Variants in KLHL26 observed in about 807,000 individuals in gnomAD.
KLHL26 encodes kelch like family member 26.
KLHL26 carries 4 observed loss-of-function variants against 7.1 expected under a neutral mutation model. That is an observed-to-expected ratio of 0.56 (90% CI 0.28 to 1.28). The LOEUF (loss-of-function observed/expected upper bound fraction) is 1.28. KLHL26 is among the 50% of genes most tolerant of loss of function. The probability of loss-of-function intolerance (pLI) is 0.11; values close to 1 mark genes in which losing one functional copy is unlikely to be tolerated. For synonymous variants in KLHL26, 465 were observed against 414.1 expected (o/e 1.12, Z -1.49); for missense variants, 896 against 924.6 (o/e 0.97, Z 0.40).
Position 18,667,986 on chromosome 19 carries a change from G to A in KLHL26, c.589G>A (p.Glu197Lys), listed in dbSNP as rs902074480. ...CTTCCGGCACTTCCTGCAGATCGCC[G>A]AGGAGGAGGATTTCCTGCGCCTGCC... Reference protein sequence around the residue: ...FTFRHFLQIAEEEDFLRLPLE... With the variant: ...FTFRHFLQIAKEEDFLRLPLE... The change falls in exon 3 of 3, where the codon GAG becomes AAG. Residue 197 changes from glutamate (E) to lysine (K), a missense_variant. Glu to Lys is a moderately conservative substitution (Grantham distance 56). Coordinates refer to ENST00000300976, the MANE Select transcript of KLHL26 (RefSeq NM_018316.3). The A allele has an allele frequency of 1.2e-6, 2 of 1,608,310 alleles. No homozygotes were observed. The highest frequency in any genetic ancestry group is 1.7e-6 in the Non-Finnish European group (2 of 1,179,962).
intron 1 of KLHL26, among the ~76,000 whole-genome samples, chr19:18,645,811 CAAAA>C (rs1040017469): frequency 8.5e-6 from 1 of 117,180 alleles, no homozygotes; most frequent in Non-Finnish European, 1.8e-5. Flanking sequence ...GACTCTGTAT[CAAAA>C]AAAAAAAAAA....
At chr19:18,667,488 G>C in intron 2 of KLHL26, 176 bp from the exon 3 acceptor site, 1 of 1,141,238 alleles carries the variant, frequency 8.8e-7, no homozygotes, top group Non-Finnish European at 1.2e-6. Flanking sequence ...ACAGGCATGA[G>C]CCACCGCGCC....
chr19:18,665,614 A>C (rs1051306765), intron 2 of KLHL26, among the ~76,000 whole-genome samples: 4 of 152,216 alleles, frequency 2.6e-5, no homozygotes, highest in Non-Finnish European at 5.9e-5. Context: ...CACTTCCCCA[A>C]CGTGACAGAA....
chr19:18,658,138 C>T (rs1313759122), intron 1 of KLHL26, among the ~76,000 whole-genome samples: 2 of 152,172 alleles, frequency 1.3e-5, no homozygotes, highest in Admixed American at 6.5e-5. Flanking sequence ...CAGGGGCACG[C>T]TGGGCCGCGG....
rs761188000 is a variant in KLHL26, at chr19:18,654,458, CCT to C, written c.84-9799_84-9798del. Among the ~76,000 whole-genome samples the C allele has an allele frequency of 2.2e-4, 33 of 150,942 alleles. No homozygotes were observed. In the East Asian group the frequency reaches 3.0e-3, roughly 14 times the overall value. On this transcript the variant is annotated intron_variant, in intron 1 of 2. Transcript: ENST00000300976. ...ATCCACCAACCCACCATCCACCAAT[CCT>C]CTCATCTACCATCCGCCCACCCATC... is the stretch of plus-strand genomic sequence containing the variant.
In KLHL26 at chr19:18,646,984, G is replaced by A. The variant is rs148471299; in HGVS notation, c.83+9847G>A. Among the ~76,000 whole-genome samples the A allele has an allele frequency of 1.5e-4, 23 of 151,488 alleles. No individual in the cohort carries two copies. Among genetic ancestry groups the A allele is most frequent in the South Asian group, 2.1e-4 (1 of 4,798 alleles). ...GGGCAGGGGCGGCGGGGGGTGGCGC[G>A]TCTCAGCAGGGATGGGGGCAGGTGG... On this transcript the variant is annotated intron_variant, in intron 1 of 2. Coordinates refer to ENST00000300976, the MANE Select transcript of KLHL26 (RefSeq NM_018316.3). This position sits in a 1 kb window ranked among gnomAD's most constrained non-coding sequence, Gnocchi z 5.0.
Position 18,664,384 on chromosome 19 carries a change from T to C in KLHL26, c.207T>C (p.Ile69=). ...QGQLLDVVLT[I]NREAFPAHKV... Reference sequence around the variant, plus strand: ...AGCTCCTCGATGTTGTGCTGACTATTAACAGAGAGGCCTTTCCTGCACACA... The same window carrying C: ...AGCTCCTCGATGTTGTGCTGACTATCAACAGAGAGGCCTTTCCTGCACACA... The change falls in exon 2 of 3, where the codon ATT becomes ATC. Residue 69 remains isoleucine, a synonymous_variant. Transcript: ENST00000300976. The C allele has an allele frequency of 6.2e-7, 1 of 1,608,584 alleles. No homozygotes were observed. The highest frequency in any genetic ancestry group is 8.5e-7 in the Non-Finnish European group (1 of 1,178,896).
intron 1 of KLHL26, among the ~76,000 whole-genome samples, chr19:18,644,996 A>G (rs78432456): frequency 0.016 from 2,423 of 152,306 alleles, 30 homozygotes; most frequent in South Asian, 0.05. Flanking sequence ...GGGGGAAAAA[A>G]GAAAGAGAAA....
At chr19:18,654,215 C>T (rs1030655474) in intron 1 of KLHL26, among the ~76,000 whole-genome samples, 69 of 135,622 alleles carry the variant, frequency 5.1e-4, no homozygotes, top group African/African-American at 1.9e-3. Context: ...GTCTGTCACC[C>T]ATCCATCTGC....
Position 18,649,451 on chromosome 19 carries a change from G to A in KLHL26, c.83+12314G>A, listed in dbSNP as rs1976862803. ...ATTGAACCAGCAGGGTGTGGGCGGA[G>A]AAGCAGAAATTCACAGGCATGTTGT... On this transcript the variant is annotated intron_variant, in intron 1 of 2. Transcript: ENST00000300976. This position sits in a 1 kb window ranked among gnomAD's most constrained non-coding sequence, Gnocchi z 4.0. Among the ~76,000 whole-genome samples the A allele has an allele frequency of 6.6e-6, 1 of 152,246 alleles. No individual in the cohort carries two copies. The highest frequency in any genetic ancestry group is 6.5e-5 in the Admixed American group (1 of 15,280).
rs1266945617 is a variant in KLHL26 at position 18,669,875 on chromosome 19, C to G, written c.*630C>G. 3.3e-5 allele frequency: 5 copies of G among 152,856 alleles called. No homozygotes were observed. Among genetic ancestry groups the G allele is most frequent in the African/African-American group, 1.2e-4 (5 of 41,444 alleles). 9.5% of individuals were successfully genotyped at this position (152,856 alleles called of 1,614,324 possible). ...CTGCTGAGGGGAGGCCCTGGTCATG[C>G]CTCAGTTCCTGCCTTCATCTGCTTT... is the stretch of plus-strand genomic sequence containing the variant. On this transcript the variant is annotated 3_prime_UTR_variant, in exon 3 of 3. Transcript: ENST00000300976.
rs865816307 is a variant in KLHL26 at position 18,656,148 on chromosome 19, C to T, written c.84-8113C>T. Among the ~76,000 whole-genome samples, 7 of 152,276 alleles carry T rather than the reference C, an allele frequency of 4.6e-5. No homozygotes were observed. Among genetic ancestry groups the T allele is most frequent in the Admixed American group, 1.3e-4 (2 of 15,302 alleles). ...AAGGCTCAGGAAAGGGGAGGCCACG[C>T]AGCTTGCCCTGGCTTCATGGTGGGG... is the stretch of plus-strand genomic sequence containing the variant. On this transcript the variant is annotated intron_variant, in intron 1 of 2. Coordinates refer to ENST00000300976, the MANE Select transcript of KLHL26 (RefSeq NM_018316.3). The surrounding 1 kb of genome is among the most constrained non-coding windows in gnomAD (Gnocchi z 4.4).
At chr19:18,645,598 G>A (rs1260274779) in intron 1 of KLHL26, among the ~76,000 whole-genome samples, 1 of 152,114 alleles carries the variant, frequency 6.6e-6, no homozygotes. Flanking sequence ...CAGATTACAA[G>A]GTCCAGAGTT....
Position 18,665,489 on chromosome 19 carries a change from C to A in KLHL26, c.266+1046C>A, listed in dbSNP as rs2052438785. 2.6e-5 allele frequency among the ~76,000 whole-genome samples: 4 copies of A among 152,246 alleles called. No individual in the cohort carries two copies. In the South Asian group the frequency reaches 8.3e-4, roughly 31 times the overall value. The stretch of plus-strand genomic sequence containing the variant: ...CCTCAGGACACCTGGAGCAGGACAG[C>A]TGGGGGACTGGAGGGGCATCGAGGG... On this transcript the variant is annotated intron_variant, in intron 2 of 2. Transcript: ENST00000300976.
intron 1 of KLHL26, among the ~76,000 whole-genome samples, chr19:18,651,980 C>A (rs778075703): frequency 6.6e-6 from 1 of 152,174 alleles, no homozygotes; most frequent in South Asian, 2.1e-4. Flanking sequence ...CCTGCCCACT[C>A]GTCAGCCCTG....
intron 1 of KLHL26, 34 bp from the exon 2 acceptor site, chr19:18,664,227 C>A: frequency 6.4e-7 from 1 of 1,560,610 alleles, no homozygotes; most frequent in Non-Finnish European, 8.7e-7. Context: ...GTGTGAACCT[C>A]TGGGCCATGT....
chr19:18,637,097 G>T lies in KLHL26; in HGVS notation c.43G>T (p.Gly15Cys), dbSNP rs767069339. ...TAGCAGCGGTGGTGCTGGTGGCGGC[G>T]GCGCTTTCGGCGCGGGCCCGGGCCC... ...GGSSGGAGGG[G>C]AFGAGPGPER... Residue 15 changes from glycine to cysteine, a missense_variant, in exon 1 of 3, where the codon GGC becomes TGC. Coordinates refer to ENST00000300976, the MANE Select transcript of KLHL26 (RefSeq NM_018316.3). The T allele has an allele frequency of 1.8e-5, 25 of 1,380,838 alleles. No individual in the cohort carries two copies. In the South Asian group the frequency reaches 4.0e-4, roughly 22 times the overall value. The allele number at this position is 1,380,838 out of a possible 1,614,324, so 85.5% of individuals were successfully genotyped here. A position where few individuals can be genotyped will look rare whatever the true frequency, so the allele number is the denominator to read the frequency against.
Position 18,650,213 on chromosome 19 carries a change from C to T in KLHL26, c.83+13076C>T, listed in dbSNP as rs138715203. Among the ~76,000 whole-genome samples the T allele has an allele frequency of 5.5e-4, 84 of 152,236 alleles. No homozygotes were observed. Among genetic ancestry groups the T allele is most frequent in the Non-Finnish European group, 9.0e-4 (61 of 67,996 alleles). The stretch of plus-strand genomic sequence containing the variant: ...GCGGGAGCGGTCTGGGCTGGATATC[C>T]GGAGAGTTCTGCTCTCCACGGGATG... On this transcript the variant is annotated intron_variant, in intron 1 of 2. Coordinates refer to ENST00000300976, the MANE Select transcript of KLHL26 (RefSeq NM_018316.3). This position sits in a 1 kb window ranked among gnomAD's most constrained non-coding sequence, Gnocchi z 4.2.
In KLHL26 at chr19:18,669,218, G is replaced by T; in HGVS notation, c.1821G>T (p.Leu607=). 6.2e-7 allele frequency: 1 copy of T among 1,611,028 alleles called. No individual in the cohort carries two copies. The part of the protein sequence containing the change: ...SFAGIACAPV[L]LPRAGTRR The stretch of plus-strand genomic sequence containing the variant: ...CAGGCATAGCCTGCGCCCCCGTCCT[G>T]CTGCCCCGGGCCGGGACCAGGAGGT... The change falls in exon 3 of 3, where the codon CTG becomes CTT. Residue 607 remains leucine (L), a synonymous_variant. Coordinates refer to ENST00000300976, the MANE Select transcript of KLHL26 (RefSeq NM_018316.3).
Sources: gnomAD v4.1 joint callset for allele counts (sites outside exome capture counted in the v4.1 genomes callset) on GRCh38, gnomAD v4.1.1 for gene constraint, Gnocchi (gnomAD v3.1) non-coding constraint, MANE v1.5 for transcripts, NCBI Gene and HGNC (gene_info 2026-07-23, HGNC 2026-07-21) for gene names.